The following GPRIN3 variants were observed in gnomAD, a reference collection of about 807,000 sequenced individuals.
GPRIN3 encodes GPRIN family member 3.
A neutral mutation model predicts 13.7 loss-of-function variants in GPRIN3; 12 were observed. The observed-to-expected ratio is 0.87, with a 90% CI of 0.56 to 1.42. The LOEUF (loss-of-function observed/expected upper bound fraction) is 1.42. GPRIN3 is among the 40% of genes most tolerant of loss of function. The pLI is 0.00. For missense variants in GPRIN3, 1,009 were observed against 958.7 expected, an observed-to-expected ratio of 1.05 and a Z score of -0.69; for synonymous variants, 377 against 372.7, an observed-to-expected ratio of 1.01 and a Z score of -0.13.
intron 1 of GPRIN3, among the ~76,000 whole-genome samples, chr4:89,297,311 T>C (rs1035776046): frequency 1.3e-5 from 2 of 152,188 alleles, no homozygotes; most frequent in African/African-American, 4.8e-5. Flanking sequence ...GGAAAGTAGA[T>C]GGATATATAT....
At chr4:89,299,333 T>A (rs1047161098) in intron 1 of GPRIN3, among the ~76,000 whole-genome samples, 2 of 152,052 alleles carry the variant, frequency 1.3e-5, no homozygotes, top group Admixed American at 1.3e-4. Context: ...AATAATTAGA[T>A]GAGGGGATGT....
intron 1 of GPRIN3, among the ~76,000 whole-genome samples, chr4:89,304,279 T>C (rs1429131288): frequency 6.6e-6 from 1 of 152,242 alleles, no homozygotes; most frequent in African/African-American, 2.4e-5. Flanking sequence ...TGGTCGGCTC[T>C]TGGCATCTTG....
intron 1 of GPRIN3, among the ~76,000 whole-genome samples, chr4:89,255,799 A>G (rs1464359993): frequency 6.6e-6 from 1 of 152,184 alleles, no homozygotes; most frequent in African/African-American, 2.4e-5. Context: ...CCTGGTTGAG[A>G]AGAGGGCTCA....
At chr4:89,281,511 A>G (rs550762580) in intron 1 of GPRIN3, among the ~76,000 whole-genome samples, 1 of 152,296 alleles carries the variant, frequency 6.6e-6, no homozygotes, top group South Asian at 2.1e-4. Flanking sequence ...TAAACCATGC[A>G]TGAGAAATCT....
intron 1 of GPRIN3, among the ~76,000 whole-genome samples, chr4:89,302,091 G>T (rs913860389): frequency 6.6e-6 from 1 of 152,142 alleles, no homozygotes; most frequent in African/African-American, 2.4e-5. Context: ...TGATCCCCAC[G>T]ATATTTCTGC....
At chr4:89,272,182 C>T (rs991114738) in intron 1 of GPRIN3, among the ~76,000 whole-genome samples, 1 of 152,024 alleles carries the variant, frequency 6.6e-6, no homozygotes, top group Non-Finnish European at 1.5e-5. Flanking sequence ...GACAGAGTAA[C>T]GGGTTATGGA....
chr4:89,288,733 A>G (rs1420970544), intron 1 of GPRIN3, among the ~76,000 whole-genome samples: 4 of 152,208 alleles, frequency 2.6e-5, no homozygotes, highest in Non-Finnish European at 5.9e-5. Context: ...AATTTAGCCT[A>G]TGATTTATCT....
At chr4:89,304,803 T>C (rs1312453064) in intron 1 of GPRIN3, among the ~76,000 whole-genome samples, 1 of 152,186 alleles carries the variant, frequency 6.6e-6, no homozygotes, top group Non-Finnish European at 1.5e-5. Context: ...ATAAGAATCC[T>C]TGAATTTTTA....
intron 1 of GPRIN3, among the ~76,000 whole-genome samples, chr4:89,287,340 A>G (rs1283542076): frequency 6.6e-6 from 1 of 152,226 alleles, no homozygotes; most frequent in Non-Finnish European, 1.5e-5. Flanking sequence ...AAATGCATAT[A>G]ATTTTATTTC....
chr4:89,257,083 A>G (rs1723487920), intron 1 of GPRIN3, among the ~76,000 whole-genome samples: 1 of 152,228 alleles, frequency 6.6e-6, no homozygotes, highest in Non-Finnish European at 1.5e-5. Flanking sequence ...TGAAGACATT[A>G]GCTGAAAAAT....
intron 1 of GPRIN3, among the ~76,000 whole-genome samples, chr4:89,276,129 G>A (rs963394694): frequency 2.6e-5 from 4 of 151,916 alleles, no homozygotes; most frequent in Non-Finnish European, 4.4e-5. Context: ...AAATAATATA[G>A]GGTATTTTTT....
rs1722966055 is a variant in GPRIN3, at chr4:89,242,328, CA to C, written c.*5451del. ...TTTTACATCCGGGAGCCCATTTTTT[CA>C]CAGCTAAAGCTGGTAATCCTCTGGG... is the stretch of plus-strand genomic sequence containing the variant. On this transcript the variant is annotated 3_prime_UTR_variant, in exon 2 of 2. Coordinates refer to ENST00000609438, the MANE Select transcript of GPRIN3 (RefSeq NM_198281.3). The C allele has an allele frequency of 2.0e-5, 3 of 152,234 alleles. No homozygotes were observed. The South Asian group carries it at 6.2e-4, about 32-fold the overall frequency. The allele number at this position is 152,234 out of a possible 1,614,324, so 9.4% of individuals were successfully genotyped here.
At chr4:89,286,319 G>A (rs1466282204) in intron 1 of GPRIN3, among the ~76,000 whole-genome samples, 1 of 152,084 alleles carries the variant, frequency 6.6e-6, no homozygotes, top group East Asian at 1.9e-4. Flanking sequence ...GGTATCAGGT[G>A]GATGGTGTTC....
At chr4:89,303,618 A>G (rs1187168343) in intron 1 of GPRIN3, among the ~76,000 whole-genome samples, 1 of 97,752 alleles carries the variant, frequency 1.0e-5, no homozygotes, top group Non-Finnish European at 2.8e-5. Flanking sequence ...TACCAGGGTG[A>G]AGATGATCAG....
intron 1 of GPRIN3, among the ~76,000 whole-genome samples, chr4:89,306,110 C>T (rs779209226): frequency 4.6e-5 from 7 of 151,808 alleles, no homozygotes; most frequent in African/African-American, 9.7e-5. Flanking sequence ...TAAAGACACA[C>T]AAAACTTGAA....
chr4:89,300,139 G>A (rs1724855285), intron 1 of GPRIN3, among the ~76,000 whole-genome samples: 1 of 151,984 alleles, frequency 6.6e-6, no homozygotes, highest in Admixed American at 6.6e-5. Flanking sequence ...TGGTTAATGG[G>A]GGTTAACTAT....
At chr4:89,290,706 A>T (rs1356270192) in intron 1 of GPRIN3, among the ~76,000 whole-genome samples, 2 of 152,162 alleles carry the variant, frequency 1.3e-5, no homozygotes, top group Non-Finnish European at 2.9e-5. Flanking sequence ...TCCATTTTTG[A>T]TAGGGACTCT....
chr4:89,287,148 T>C (rs756584191), intron 1 of GPRIN3, among the ~76,000 whole-genome samples: 16 of 152,092 alleles, frequency 1.1e-4, no homozygotes, highest in Non-Finnish European at 1.5e-4. Context: ...TACAAACATA[T>C]ATACAAGACA....
intron 1 of GPRIN3, among the ~76,000 whole-genome samples, chr4:89,253,449 C>T (rs566603655): frequency 1.3e-5 from 2 of 152,244 alleles, no homozygotes; most frequent in South Asian, 2.1e-4. Context: ...ACACCTGCTA[C>T]GAAAAGTTGG....
Sources: allele counts gnomAD v4.1 joint callset (sites outside exome capture counted in the v4.1 genomes callset), GRCh38; gene constraint gnomAD v4.1.1; transcripts MANE v1.5; gene names NCBI Gene and HGNC (gene_info 2026-07-23, HGNC 2026-07-21).